The following DCLK1 variants were observed in gnomAD, a reference collection of about 807,000 sequenced individuals.
The protein encoded by DCLK1 is doublecortin like kinase 1.
In DCLK1, 16 loss-of-function variants were observed where a neutral mutation model predicts 86.2. That is an observed-to-expected ratio of 0.19 (90% CI 0.13 to 0.28). DCLK1 has a LOEUF of 0.28. Among genes scored for constraint, DCLK1 ranks in the 10% least tolerant of loss-of-function variants. DCLK1 has a pLI of 1.00. For missense variants in DCLK1, 590 were observed against 940.2 expected, an observed-to-expected ratio of 0.63 and a Z score of 4.87; for synonymous variants, 369 against 370.5, an observed-to-expected ratio of 1.00 and a Z score of 0.05.
At chr13:35,782,547 A>G (rs2086547290) in intron 16 of DCLK1, among the ~76,000 whole-genome samples, 1 of 152,204 alleles carries the variant, frequency 6.6e-6, no homozygotes, top group African/African-American at 2.4e-5. Context: ...CTGGATTGCT[A>G]AAAGTGGGAT....
intron 3 of DCLK1, among the ~76,000 whole-genome samples, chr13:36,042,053 C>T (rs898481620): frequency 3.3e-5 from 5 of 152,136 alleles, no homozygotes; most frequent in African/African-American, 1.2e-4. Context: ...CAAATGGGGG[C>T]TGTGAACACA....
intron 3 of DCLK1, among the ~76,000 whole-genome samples, chr13:35,986,346 T>C (rs1879910890): frequency 6.9e-6 from 1 of 145,424 alleles, no homozygotes; most frequent in Non-Finnish European, 1.5e-5. Context: ...GAAGCAGCAT[T>C]ATCCCTGGTT....
At chr13:36,115,569 C>T (rs1337405558) in intron 2 of DCLK1, among the ~76,000 whole-genome samples, 1 of 151,916 alleles carries the variant, frequency 6.6e-6, no homozygotes, top group East Asian at 1.9e-4. Flanking sequence ...CCTAAGGATT[C>T]TATGATAAGT....
At chr13:35,937,723 T>G (rs957038378) in intron 4 of DCLK1, among the ~76,000 whole-genome samples, 5 of 152,238 alleles carry the variant, frequency 3.3e-5, no homozygotes, top group African/African-American at 9.6e-5. Context: ...GGAAGACAAT[T>G]TTTCTAAAAA....
At position 35,993,719 on chromosome 13, in the gene DCLK1, CATTT is replaced by C. The variant is rs549827784; in HGVS notation, c.724-46266_724-46263del. ...TTTACATACATGAGGAATTAGTTAA[CATTT>C]TTTTGATGATGGTAATAACATCATC... On this transcript the variant is annotated intron_variant, in intron 3 of 16. Coordinates refer to ENST00000360631, the MANE Select transcript of DCLK1 (RefSeq NM_001330071.2). Among the ~76,000 whole-genome samples the C allele has an allele frequency of 1.9e-4, 29 of 152,082 alleles. No homozygotes were observed. The South Asian group carries it at 2.1e-3, about 11-fold the overall frequency.
At chr13:35,861,171 G>A (rs1235398059) in intron 5 of DCLK1, among the ~76,000 whole-genome samples, 1 of 152,182 alleles carries the variant, frequency 6.6e-6, no homozygotes, top group East Asian at 1.9e-4. Context: ...ATCACCATAG[G>A]GAGAATGGTG....
rs191914544 is a variant in DCLK1, at chr13:35,804,281, C to T, written c.1944+1418G>A. Among the ~76,000 whole-genome samples, 36 of 145,172 alleles carry T rather than the reference C, an allele frequency of 2.5e-4. 1 individual carries two copies. Among genetic ancestry groups the T allele is most frequent in the Middle Eastern group, 3.5e-3 (1 of 284 alleles). ...GAGTAGCTGGGATTACAGGCGCATA[C>T]CACCATGCCTAGCTATTTTTTTTTT... On this transcript the variant is annotated intron_variant, in intron 15 of 16. Transcript: ENST00000360631.
At chr13:35,980,824 A>C (rs1879601553) in intron 3 of DCLK1, among the ~76,000 whole-genome samples, 1 of 151,324 alleles carries the variant, frequency 6.6e-6, no homozygotes. Context: ...CTTTTTTTTT[A>C]ATGTAATTTT....
intron 15 of DCLK1, among the ~76,000 whole-genome samples, chr13:35,793,709 A>C (rs2086748738): frequency 6.6e-6 from 1 of 151,542 alleles, no homozygotes; most frequent in African/African-American, 2.4e-5. Context: ...TGACCCTCAG[A>C]GATTTGTCTC....
chr13:36,049,801 A>G (rs182107877), intron 3 of DCLK1, among the ~76,000 whole-genome samples: 3 of 152,326 alleles, frequency 2.0e-5, no homozygotes, highest in Admixed American at 1.3e-4. Flanking sequence ...AAAAGTAACA[A>G]TAACAGTGGA....
chr13:35,911,740 T>C (rs1315548271), intron 4 of DCLK1, among the ~76,000 whole-genome samples: 1 of 152,162 alleles, frequency 6.6e-6, no homozygotes, highest in Non-Finnish European at 1.5e-5. Context: ...AACCAGACAG[T>C]AAATGGTTTA....
At chr13:36,100,208 A>C (rs1011124518) in intron 3 of DCLK1, among the ~76,000 whole-genome samples, 1 of 94,898 alleles carries the variant, frequency 1.1e-5, no homozygotes, top group Non-Finnish European at 2.4e-5. Context: ...AAAAAAAAAA[A>C]AAAAACCACA....
intron 15 of DCLK1, among the ~76,000 whole-genome samples, chr13:35,801,015 C>A (rs1006083042): frequency 6.6e-6 from 1 of 152,086 alleles, no homozygotes; most frequent in Non-Finnish European, 1.5e-5. Flanking sequence ...TGAACCACTG[C>A]ACCCGGCCAA....
chr13:35,921,237 C>T (rs914910467), intron 4 of DCLK1, among the ~76,000 whole-genome samples: 13 of 152,172 alleles, frequency 8.5e-5, no homozygotes, highest in African/African-American at 3.1e-4. Flanking sequence ...TTTCCTACCA[C>T]TTTTTCTCTC....
chr13:35,980,483 C>CCG lies in DCLK1; in HGVS notation c.724-33027_724-33026insCG, dbSNP rs142489835. 6.9e-3 allele frequency among the ~76,000 whole-genome samples: 1,047 copies of CCG among 152,208 alleles called. 7 individuals are homozygous for CCG. The highest frequency in any genetic ancestry group is 0.023 in the African/African-American group (966 of 41,538). On this transcript the variant is annotated intron_variant, in intron 3 of 16. Coordinates refer to ENST00000360631, the MANE Select transcript of DCLK1 (RefSeq NM_001330071.2). ...CAAAACACGGACTCCGTGTTCCCCC[C>CCG]GGCAACTACTTTCTGTCTTTGTAAT... is the stretch of plus-strand genomic sequence containing the variant.
chr13:35,958,641 G>A (rs559445179), intron 3 of DCLK1, among the ~76,000 whole-genome samples: 13 of 152,202 alleles, frequency 8.5e-5, no homozygotes, highest in Non-Finnish European at 1.5e-4. Flanking sequence ...TGTTCTAAAT[G>A]AGCTGAGGAC....
intron 15 of DCLK1, chr13:35,805,392 G>A (rs1343499642): frequency 5.7e-5 from 16 of 279,798 alleles, no homozygotes; most frequent in Non-Finnish European, 8.0e-5. Context: ...TGGTTTCCAG[G>A]GTCAAGCAAT....
At chr13:35,999,411 T>A (rs1880614757) in intron 3 of DCLK1, among the ~76,000 whole-genome samples, 1 of 152,226 alleles carries the variant, frequency 6.6e-6, no homozygotes, top group South Asian at 2.1e-4. Context: ...TCCAAAAGTT[T>A]GGCACACTGT....
intron 3 of DCLK1, among the ~76,000 whole-genome samples, chr13:35,983,757 T>G (rs1031994701): frequency 3.3e-5 from 5 of 152,164 alleles, no homozygotes; most frequent in African/African-American, 9.7e-5. Context: ...CCAAAGAAAT[T>G]TTTTAAAAAA....
Sources: allele counts gnomAD v4.1 joint callset (sites outside exome capture counted in the v4.1 genomes callset), GRCh38; gene constraint gnomAD v4.1.1; transcripts MANE v1.5; gene names NCBI Gene and HGNC (gene_info 2026-07-23, HGNC 2026-07-21).